The following DDX18 variants were observed in gnomAD, a reference collection of about 807,000 sequenced individuals.
DDX18 encodes ATP-dependent RNA helicase DDX18.
Under a neutral mutation model 73.5 loss-of-function variants are expected in DDX18, and 23 were observed. That is an observed-to-expected ratio of 0.31 (90% CI 0.23 to 0.44). The LOEUF is 0.44. Ranked by LOEUF, DDX18 falls within the 20% of genes least tolerant of loss-of-function variation. The probability of loss-of-function intolerance (pLI) is 1.00; values close to 1 mark genes in which losing one functional copy is unlikely to be tolerated. For missense variants in DDX18, 753 were observed against 792.9 expected (o/e 0.95, Z 0.60); for synonymous variants, 268 against 282.7 (o/e 0.95, Z 0.52).
Position 117,826,129 on chromosome 2 carries a change from G to T in DDX18, c.1522-140G>T, listed in dbSNP as rs1199855932. On this transcript the variant is annotated intron_variant, in intron 10 of 13. Coordinates refer to ENST00000263239, the MANE Select transcript of DDX18 (RefSeq NM_006773.4). The stretch of plus-strand genomic sequence containing the variant: ...CGATTGCTGGCCCAGCTTTGTGGGG[G>T]TGTGGTGAAGGTGTGTGTGGCCCAG... 2.3e-5 allele frequency: 14 copies of T among 611,680 alleles called. No homozygotes were observed. The South Asian group carries it at 2.7e-4, about 12-fold the overall frequency. 37.9% of individuals were successfully genotyped at this position (611,680 alleles called of 1,614,324 possible). A position where few individuals can be genotyped will look rare whatever the true frequency, so the allele number is the denominator to read the frequency against.
At chr2:117,822,862 TTTC>T (rs66610467) in intron 7 of DDX18, 11,878 of 152,472 alleles carry the variant, frequency 0.078, 594 homozygotes, top group African/African-American at 0.13. Flanking sequence ...ATTGATCTGT[TTTC>T]TGCTGCTAGA....
chr2:117,819,528 C>G (rs745711570), intron 2 of DDX18, 121 bp from the exon 3 acceptor site: 2 of 927,786 alleles, frequency 2.2e-6, no homozygotes, highest in Non-Finnish European at 3.1e-6. Flanking sequence ...CAAATTAATA[C>G]AGCATATACT....
rs1224584920 is a variant in DDX18, at chr2:117,822,133, C to T, written c.952-14C>T. 1.2e-6 allele frequency: 2 copies of T among 1,613,640 alleles called. No individual in the cohort carries two copies. The highest frequency in any genetic ancestry group is 1.7e-6 in the Non-Finnish European group (2 of 1,179,688). On this transcript the variant is annotated splice_polypyrimidine_tract_variant and intron_variant, in intron 6 of 13. Transcript: ENST00000263239. ...TGACAACTAATGGTTGTTCTTTGTC[C>T]TTTGTTTTGTTAGAATACCCCAGGA...
At chr2:117,824,469 C>A in intron 7 of DDX18, 100 bp from the exon 8 acceptor site, 1 of 1,077,950 alleles carries the variant, frequency 9.3e-7, no homozygotes, top group East Asian at 2.9e-5. Context: ...AACATCATAT[C>A]TCCCATTTCT....
intron 10 of DDX18, chr2:117,826,033 C>CTTTTTTT (rs1558734407): frequency 1.1e-5 from 3 of 272,322 alleles, no homozygotes; most frequent in African/African-American, 1.1e-4. Context: ...TCATGTCCAG[C>CTTTTTTT]CTTTTTTTTT....
At position 117,823,560 on chromosome 2, in the gene DDX18, T is replaced by C. The variant is rs576522292; in HGVS notation, c.1067-1009T>C. Among the ~76,000 whole-genome samples the C allele has an allele frequency of 5.3e-5, 8 of 152,346 alleles. No individual in the cohort carries two copies. In the East Asian group the frequency reaches 1.4e-3, roughly 26 times the overall value. ...GTACCGAATGATTATTCAGTATGAC[T>C]TTCCAGATGACTGTAGCCTTTTGGA... On this transcript the variant is annotated intron_variant, in intron 7 of 13. Coordinates refer to ENST00000263239, the MANE Select transcript of DDX18 (RefSeq NM_006773.4).
chr2:117,818,773 C>T (rs775551104), intron 2 of DDX18, among the ~76,000 whole-genome samples: 12 of 152,254 alleles, frequency 7.9e-5, no homozygotes, highest in East Asian at 1.9e-4. Context: ...CCTCCCACCT[C>T]GGCTTCCCAA....
chr2:117,816,491 C>T (rs1368944076), intron 1 of DDX18, among the ~76,000 whole-genome samples: 1 of 152,102 alleles, frequency 6.6e-6, no homozygotes, highest in East Asian at 1.9e-4. Flanking sequence ...TCTTCCGCTT[C>T]CACATCTTGT....
At position 117,822,173 on chromosome 2, in the gene DDX18, C is replaced by T; in HGVS notation, c.978C>T (p.Asn326=). The change falls in exon 7 of 14, where the codon AAC becomes AAT. Residue 326 remains asparagine, a synonymous_variant. Transcript: ENST00000263239. ...ATACCCCAGGATTTATGTATAAAAA[C>T]CTGCAGTGTCTGGTTATTGATGAAG... is the stretch of plus-strand genomic sequence containing the variant. ...MQNTPGFMYK[N]LQCLVIDEAD... 1.2e-6 allele frequency: 2 copies of T among 1,613,880 alleles called. No homozygotes were observed. Among genetic ancestry groups the T allele is most frequent in the Non-Finnish European group, 1.7e-6 (2 of 1,179,842 alleles).
chr2:117,828,899 C>T, intron 11 of DDX18, 50 bp from the exon 12 acceptor site: 8 of 1,313,630 alleles, frequency 6.1e-6, no homozygotes, highest in African/African-American at 1.4e-5. Flanking sequence ...TACCCAGTAT[C>T]GGAATGCTGA....
chr2:117,814,888 T>A (rs776118296), intron 1 of DDX18, 26 bp downstream of exon 1: 4 of 1,613,446 alleles, frequency 2.5e-6, no homozygotes, highest in Non-Finnish European at 3.4e-6. Context: ...TCGCGGTGGC[T>A]CAGAAGACCC....
chr2:117,823,205 C>T (rs908069841), intron 7 of DDX18, among the ~76,000 whole-genome samples: 2 of 152,074 alleles, frequency 1.3e-5, no homozygotes, highest in Admixed American at 6.6e-5. Context: ...TTGTCAGTTT[C>T]TCCCCCTTCC....
intron 2 of DDX18, 48 bp downstream of exon 2, chr2:117,817,776 C>G: frequency 1.3e-6 from 2 of 1,534,498 alleles, no homozygotes; most frequent in Non-Finnish European, 1.8e-6. Flanking sequence ...TTTTCACAGA[C>G]GGTTATTGTT....
At chr2:117,820,484 A>C (rs917401586) in intron 3 of DDX18, among the ~76,000 whole-genome samples, 3 of 152,244 alleles carry the variant, frequency 2.0e-5, no homozygotes, top group Non-Finnish European at 4.4e-5. Flanking sequence ...AGCTAGGAGC[A>C]GTCTGCTGGG....
chr2:117,826,648 G>A, intron 11 of DDX18: 2 of 448,146 alleles, frequency 4.5e-6, no homozygotes, highest in South Asian at 5.5e-5. Context: ...AGCCCTCTTT[G>A]AAACCTTCTC....
intron 3 of DDX18, among the ~76,000 whole-genome samples, chr2:117,820,764 GTTTT>G (rs368439713): frequency 4.5e-4 from 68 of 149,720 alleles, no homozygotes; most frequent in African/African-American, 1.5e-3. Flanking sequence ...AGATTAACAG[GTTTT>G]TTTTTTATTA....
chr2:117,817,549 G>T lies in DDX18; in HGVS notation c.191G>T (p.Gly64Val), dbSNP rs772140327. ...KKSKQKPMNV[G>V]LSETQNGGMS... Reference sequence around the variant, plus strand: ...TCAAAACAAAAGCCCATGAATGTGGGCTTATCAGAAACTCAAAATGGAGGC... The same window carrying T: ...TCAAAACAAAAGCCCATGAATGTGGTCTTATCAGAAACTCAAAATGGAGGC... The change falls in exon 2 of 14, where the codon GGC becomes GTC. Residue 64 changes from glycine (G) to valine (V), a missense_variant. By Grantham distance (109) the Gly-to-Val change is moderately radical (BLOSUM62 -3). Transcript: ENST00000263239. 3.7e-6 allele frequency: 6 copies of T among 1,613,980 alleles called. No individual in the cohort carries two copies. The Admixed American group carries it at 1.0e-4, about 27-fold the overall frequency.
At chr2:117,827,628 G>A (rs1380236848) in intron 11 of DDX18, 2 of 152,058 alleles carry the variant, frequency 1.3e-5, no homozygotes, top group Non-Finnish European at 2.9e-5. Context: ...CAGAATGATG[G>A]TTTCCCGTGT....
At position 117,825,107 on chromosome 2, in the gene DDX18, T is replaced by A; in HGVS notation, c.1368+6T>A. The stretch of plus-strand genomic sequence containing the variant: ...TGCCCGTCTTGGCCATTCATGTAAG[T>A]GATGATGATGAGCTCATTGAAAACA... On this transcript the variant is annotated splice_donor_region_variant and intron_variant, in intron 9 of 13. Coordinates refer to ENST00000263239, the MANE Select transcript of DDX18 (RefSeq NM_006773.4). The A allele has an allele frequency of 7.3e-7, 1 of 1,369,394 alleles. No individual in the cohort carries two copies. Among genetic ancestry groups the A allele is most frequent in the Non-Finnish European group, 1.0e-6 (1 of 982,576 alleles). The allele number at this position is 1,369,394 out of a possible 1,614,324, so 84.8% of individuals were successfully genotyped here.
Sources: allele counts gnomAD v4.1 joint callset (sites outside exome capture counted in the v4.1 genomes callset), GRCh38; gene constraint gnomAD v4.1.1; transcripts MANE v1.5; gene names NCBI Gene and HGNC (gene_info 2026-07-23, HGNC 2026-07-21).